The following ANKRD27 variants were observed in gnomAD, a reference collection of about 807,000 sequenced individuals.
ANKRD27 encodes the protein ankyrin repeat domain 27.
In ANKRD27, 112 loss-of-function variants were observed where a neutral mutation model predicts 129.7. The ratio of observed to expected loss-of-function variants is 0.86; its 90% CI spans 0.74 to 1.01. ANKRD27 has a LOEUF of 1.01. ANKRD27 is among the 50% of genes least tolerant of loss of function. The pLI is 0.00. For missense variants in ANKRD27, 1,258 were observed against 1,300.5 expected (o/e 0.97, Z 0.50); for synonymous variants, 516 against 511.2 (o/e 1.01, Z -0.13).
At chr19:32,639,220 C>CA in intron 12 of ANKRD27, 136 bp downstream of exon 12, 2 of 1,038,754 alleles carry the variant, frequency 1.9e-6, no homozygotes, top group South Asian at 1.6e-5. Context: ...TTTTAAGACT[C>CA]ACAGCCCTCA....
intron 25 of ANKRD27, 125 bp from the exon 26 acceptor site, chr19:32,602,251 A>G: frequency 1.5e-6 from 1 of 648,960 alleles, no homozygotes; most frequent in Non-Finnish European, 2.6e-6. Flanking sequence ...ATAATTACAA[A>G]TGGAGCTTGG....
At chr19:32,613,644 ATCAAACGGAGTGAAGAAAG>A (rs1971865721) in intron 22 of ANKRD27, among the ~76,000 whole-genome samples, 1 of 152,098 alleles carries the variant, frequency 6.6e-6, no homozygotes, top group Admixed American at 6.6e-5. Context: ...ACAGTGTGGA[ATCAAACGGAGTGAAGAAAG>A]TCAATCCCAA....
chr19:32,653,667 T>G (rs1025008588), intron 2 of ANKRD27, among the ~76,000 whole-genome samples: 4 of 147,152 alleles, frequency 2.7e-5, no homozygotes, highest in Admixed American at 7.1e-5. Flanking sequence ...GACACCTGCC[T>G]GGATGTGGGG....
intron 1 of ANKRD27, among the ~76,000 whole-genome samples, chr19:32,668,613 C>G (rs1162303676): frequency 1.3e-5 from 2 of 151,796 alleles, no homozygotes; most frequent in Non-Finnish European, 2.9e-5. Flanking sequence ...GTTGGGACTA[C>G]AGGCATGAGC....
At position 32,597,146 on chromosome 19, in the gene ANKRD27, C is replaced by T. The variant is rs1971581630; in HGVS notation, c.*999G>A. On this transcript the variant is annotated 3_prime_UTR_variant, in exon 29 of 29. Transcript: ENST00000306065. ...GTACATACACAAGTATTTCCAAGAACATGGACAAAACCATTTCCCTATCAC... is the reference window on the plus strand; with the variant it reads ...GTACATACACAAGTATTTCCAAGAATATGGACAAAACCATTTCCCTATCAC... The T allele has an allele frequency of 6.8e-6, 1 of 147,002 alleles. No individual in the cohort carries two copies. The highest frequency in any genetic ancestry group is 2.3e-4 in the South Asian group (1 of 4,352). The allele number at this position is 147,002 out of a possible 1,614,324, so 9.1% of individuals were successfully genotyped here.
chr19:32,615,834 A>G, intron 21 of ANKRD27, 54 bp from the exon 22 acceptor site: 2 of 1,586,364 alleles, frequency 1.3e-6, no homozygotes, highest in Non-Finnish European at 1.7e-6. Flanking sequence ...CTTTGCATGC[A>G]CAATATCTTA....
At position 32,604,385 on chromosome 19, in the gene ANKRD27, T is replaced by C. The variant is rs1401715139; in HGVS notation, c.2533A>G (p.Thr845Ala). ...SINASNNKGN[T>A]ALHEAVIEKH... ...TCAATCACAGCCTCGTGCAGCGCTG[T>C]GTTGCCCTTATTGTTAGAAGCGTTA... is the stretch of plus-strand genomic sequence containing the variant. Residue 845 changes from threonine (T) to alanine (A), a missense_variant, in exon 25 of 29, where the codon ACA becomes GCA. Thr to Ala is a moderately conservative substitution (Grantham distance 58). Coordinates refer to ENST00000306065, the MANE Select transcript of ANKRD27 (RefSeq NM_032139.3). The C allele has an allele frequency of 1.9e-6, 3 of 1,612,982 alleles. No individual in the cohort carries two copies. The highest frequency in any genetic ancestry group is 2.7e-5 in the African/African-American group (2 of 74,936).
At chr19:32,643,516 T>C (rs1338979409) in intron 6 of ANKRD27, 32 bp from the exon 7 acceptor site, 4 of 1,613,780 alleles carry the variant, frequency 2.5e-6, no homozygotes, top group Non-Finnish European at 3.4e-6. Context: ...GTGAAAGGGC[T>C]TGGATTTGCA....
intron 20 of ANKRD27, among the ~76,000 whole-genome samples, chr19:32,618,781 C>T (rs1233444004): frequency 6.6e-6 from 1 of 152,086 alleles, no homozygotes; most frequent in Non-Finnish European, 1.5e-5. Flanking sequence ...CATGGTGGCT[C>T]ACGCCTGTAA....
At chr19:32,670,303 A>G (rs897345742) in intron 1 of ANKRD27, among the ~76,000 whole-genome samples, 1 of 152,236 alleles carries the variant, frequency 6.6e-6, no homozygotes, top group African/African-American at 2.4e-5. Context: ...GTAGGGATTC[A>G]AAGAGCTCTG....
chr19:32,666,467 G>C (rs534137859), intron 1 of ANKRD27: 1 of 152,202 alleles, frequency 6.6e-6, no homozygotes, highest in Non-Finnish European at 1.5e-5. Flanking sequence ...CTGTTTGAAG[G>C]ATGTTGCTGT....
Position 32,610,020 on chromosome 19 carries a change from A to T in ANKRD27, c.2176-2188T>A, listed in dbSNP as rs116217359. Among the ~76,000 whole-genome samples the T allele has an allele frequency of 6.7e-3, 1,013 of 151,670 alleles. 12 individuals carry two copies. The highest frequency in any genetic ancestry group is 0.023 in the African/African-American group (973 of 41,414). On this transcript the variant is annotated intron_variant, in intron 22 of 28. Coordinates refer to ENST00000306065, the MANE Select transcript of ANKRD27 (RefSeq NM_032139.3). ...GCCAAGACCCTGTCTCTACAAAAAT[A>T]AAAAAAATAGGCCAGCAAGGTAGCT... is the stretch of plus-strand genomic sequence containing the variant.
At chr19:32,619,207 T>G in intron 20 of ANKRD27, 53 bp downstream of exon 20, 1 of 1,577,128 alleles carries the variant, frequency 6.3e-7, no homozygotes, top group Non-Finnish European at 8.6e-7. Flanking sequence ...TGGACACCAC[T>G]GCCCAGGGCC....
At chr19:32,632,247 C>T (rs1375010354) in intron 12 of ANKRD27, among the ~76,000 whole-genome samples, 1 of 151,930 alleles carries the variant, frequency 6.6e-6, no homozygotes, top group Non-Finnish European at 1.5e-5. Flanking sequence ...TGAGATCACA[C>T]CACTGCACTC....
chr19:32,605,880 G>C lies in ANKRD27; in HGVS notation c.2448C>G (p.Tyr816Ter). 7 of 1,613,822 alleles carry C rather than the reference G, an allele frequency of 4.3e-6. No individual in the cohort carries two copies. Among genetic ancestry groups the C allele is most frequent in the Non-Finnish European group, 5.9e-6 (7 of 1,179,932 alleles). ...GCTCGTGATGGCCACCGGAGCAGGC[G>C]TAAATGAGGGGCGTGTTTCCACTGA... ...KDLSGNTPLI[Y>*]ACSGGHHELV... Residue 816 changes from tyrosine to a stop codon, truncating the protein, a stop_gained, in exon 24 of 29, where the codon TAC (tyrosine) becomes TAG (stop). Transcript: ENST00000306065. LOFTEE classifies it high-confidence loss of function.
intron 22 of ANKRD27, chr19:32,608,571 A>C: frequency 5.3e-6 from 1 of 187,086 alleles, no homozygotes; most frequent in South Asian, 8.6e-5. Context: ...ATATCTCAAA[A>C]ATAAAAAAGA....
In ANKRD27 at chr19:32,604,322, C is replaced by T. The variant is rs765429509; in HGVS notation, c.2596G>A (p.Gly866Arg). Reference protein sequence around the residue: ...VFVVELLLLHGASVQVLNKRQ... With the variant: ...VFVVELLLLHRASVQVLNKRQ... Reference sequence around the variant, plus strand: ...TTGTTCAGCACCTGAACTGACGCTCCGTGGAGCAGAAGCAGCTCTACCACG... The same window carrying T: ...TTGTTCAGCACCTGAACTGACGCTCTGTGGAGCAGAAGCAGCTCTACCACG... Residue 866 changes from glycine to arginine, a missense_variant, in exon 25 of 29, where the codon GGA becomes AGA. Transcript: ENST00000306065. 3.7e-6 allele frequency: 6 copies of T among 1,614,058 alleles called. No individual in the cohort carries two copies. Among genetic ancestry groups the T allele is most frequent in the African/African-American group, 1.3e-5 (1 of 75,064 alleles).
intron 22 of ANKRD27, among the ~76,000 whole-genome samples, chr19:32,609,351 T>A (rs1971799858): frequency 6.6e-6 from 1 of 152,096 alleles, no homozygotes; most frequent in East Asian, 1.9e-4. Context: ...AACGTATATA[T>A]CCACACAAAG....
intron 15 of ANKRD27, among the ~76,000 whole-genome samples, chr19:32,627,406 A>T (rs113389393): frequency 0.14 from 5,557 of 39,926 alleles, 537 homozygotes; most frequent in Non-Finnish European, 0.25. Flanking sequence ...TTATTTATTT[A>T]TTTATTTTTT....
Sources: gnomAD v4.1 joint callset for allele counts (sites outside exome capture counted in the v4.1 genomes callset) on GRCh38, gnomAD v4.1.1 for gene constraint, MANE v1.5 for transcripts, NCBI Gene and HGNC (gene_info 2026-07-23, HGNC 2026-07-21) for gene names.